The following PMM1 variants were observed in gnomAD, a reference collection of about 807,000 sequenced individuals.
PMM1 encodes brain glucose-1,6-bisphosphatase.
In PMM1, 25 loss-of-function variants were observed where a neutral mutation model predicts 34.0. The observed-to-expected ratio is 0.73, with a 90% CI of 0.54 to 1.03. The LOEUF is 1.03. Ranked by LOEUF, PMM1 falls within the 50% of genes least tolerant of loss-of-function variation. The pLI, the probability that PMM1 is intolerant of heterozygous loss-of-function variation, is 0.00. For missense variants in PMM1, 321 were observed against 350.1 expected (o/e 0.92, Z 0.66); for synonymous variants, 134 against 143.9 (o/e 0.93, Z 0.49).
rs374997245 is a variant in PMM1 at position 41,582,826 on chromosome 22, C to A, written c.474+1133G>T. Among the ~76,000 whole-genome samples the A allele has an allele frequency of 1.5e-3, 235 of 151,932 alleles. 1 individual carries two copies. Among genetic ancestry groups the A allele is most frequent in the African/African-American group, 5.3e-3 (218 of 41,440 alleles). On this transcript the variant is annotated intron_variant, in intron 5 of 7. Coordinates refer to ENST00000216259, the MANE Select transcript of PMM1 (RefSeq NM_002676.3). Reference sequence around the variant, plus strand: ...TGGAGCAGAGGGCAGGGAGAGCCACCGAACAGGTCAGAGAGAATGACAGAA... The same window carrying A: ...TGGAGCAGAGGGCAGGGAGAGCCACAGAACAGGTCAGAGAGAATGACAGAA...
At chr22:41,586,385 G>C in intron 1 of PMM1, 192 bp from the exon 2 acceptor site, 1 of 963,286 alleles carries the variant, frequency 1.0e-6, no homozygotes, top group South Asian at 2.2e-5. Flanking sequence ...CACTTTGCGA[G>C]GCCAAGGCAG....
rs2145605078 is a variant in PMM1 at position 41,576,934 on chromosome 22, C to T, written c.*384G>A. 3.0e-6 allele frequency: 1 copy of T among 328,010 alleles called. No individual in the cohort carries two copies. The highest frequency in any genetic ancestry group is 2.7e-5 in the South Asian group (1 of 37,634). 20.3% of individuals were successfully genotyped at this position (328,010 alleles called of 1,614,324 possible). On this transcript the variant is annotated 3_prime_UTR_variant, in exon 8 of 8. Coordinates refer to ENST00000216259, the MANE Select transcript of PMM1 (RefSeq NM_002676.3). ...GGAACTTTAATACTGTGACAAAGTT[C>T]TCTAAAATAGGCACCTTCCCCACCG...
In PMM1 at chr22:41,577,446, C is replaced by T. The variant is rs1459379111; in HGVS notation, c.667-6G>A. ...ATCTCAAAGTCGTTCCCACCCTGCA[C>T]ACAGAGGATGGGCAGAGGAGGGATA... On this transcript the variant is annotated splice_region_variant and splice_polypyrimidine_tract_variant and intron_variant, in intron 7 of 7. Coordinates refer to ENST00000216259, the MANE Select transcript of PMM1 (RefSeq NM_002676.3). The T allele has an allele frequency of 6.2e-7, 1 of 1,609,652 alleles. No homozygotes were observed. The highest frequency in any genetic ancestry group is 2.2e-5 in the East Asian group (1 of 44,840).
At chr22:41,582,014 T>C (rs991281500) in intron 5 of PMM1, among the ~76,000 whole-genome samples, 8 of 150,190 alleles carry the variant, frequency 5.3e-5, no homozygotes, top group Non-Finnish European at 8.9e-5. Flanking sequence ...CGTGGCAGCA[T>C]GTGCCTGTAG....
Position 41,583,023 on chromosome 22 carries a change from G to C in PMM1, c.474+936C>G, listed in dbSNP as rs1480515360. On this transcript the variant is annotated intron_variant, in intron 5 of 7. Coordinates refer to ENST00000216259, the MANE Select transcript of PMM1 (RefSeq NM_002676.3). The stretch of plus-strand genomic sequence containing the variant: ...CCAGGAATAGAAAGTGGAACTTGAA[G>C]GGCATAGAAAGGAGACGCGGAGAGC... Among the ~76,000 whole-genome samples the C allele has an allele frequency of 2.0e-5, 3 of 152,264 alleles. No homozygotes were observed. In the South Asian group the frequency reaches 6.2e-4, roughly 32 times the overall value.
chr22:41,578,559 C>G (rs937642846), intron 6 of PMM1, among the ~76,000 whole-genome samples: 2 of 152,004 alleles, frequency 1.3e-5, no homozygotes, highest in African/African-American at 4.8e-5. Flanking sequence ...AAGGGAGAGG[C>G]TCTGGTTTTT....
chr22:41,582,423 C>T (rs1232542924), intron 5 of PMM1, among the ~76,000 whole-genome samples: 1 of 152,156 alleles, frequency 6.6e-6, no homozygotes, highest in African/African-American at 2.4e-5. Flanking sequence ...TGGATCACTG[C>T]ACTGCACTCC....
intron 5 of PMM1, among the ~76,000 whole-genome samples, chr22:41,583,664 G>C (rs4822044): frequency 0.17 from 25,664 of 151,926 alleles, 3,152 homozygotes; most frequent in Admixed American, 0.36. Flanking sequence ...TGACTCGAGA[G>C]GCTGATGAAA....
rs2067359037 is a variant in PMM1, at chr22:41,589,778, T to G, written c.28A>C (p.Arg10=). ...AACAGGCAGAGGACGCGCTCCTTCC[T>G]GCGGGCTGCCTGGGCGGTGACTGCC... is the stretch of plus-strand genomic sequence containing the variant. The part of the protein sequence containing the change: MAVTAQAAR[R]KERVLCLFDV... The change falls in exon 1 of 8, where the codon AGG becomes CGG. Residue 10 remains arginine, a synonymous_variant. Coordinates refer to ENST00000216259, the MANE Select transcript of PMM1 (RefSeq NM_002676.3). 1 of 1,610,002 alleles carries G rather than the reference T, an allele frequency of 6.2e-7. No individual in the cohort carries two copies. Among genetic ancestry groups the G allele is most frequent in the Non-Finnish European group, 8.5e-7 (1 of 1,178,946 alleles).
intron 5 of PMM1, among the ~76,000 whole-genome samples, chr22:41,581,403 G>A (rs1405329899): frequency 6.6e-6 from 1 of 152,028 alleles, no homozygotes; most frequent in Admixed American, 6.5e-5. Flanking sequence ...AGGAGTCACT[G>A]AGCTGAGAGG....
At chr22:41,584,814 C>T (rs62236531) in intron 2 of PMM1, 1 of 541,972 alleles carries the variant, frequency 1.8e-6, no homozygotes, top group Non-Finnish European at 3.3e-6. Flanking sequence ...TGGGCCTCTG[C>T]ACACAGGCAT....
In PMM1 at chr22:41,586,105, A is replaced by T. The variant is rs538675046; in HGVS notation, c.176T>A (p.Ile59Asn). Residue 59 changes from isoleucine to asparagine, a missense_variant, in exon 2 of 8, where the codon ATC becomes AAC. Coordinates refer to ENST00000216259, the MANE Select transcript of PMM1 (RefSeq NM_002676.3). ...GVVGGSDYCK[I>N]AEQLGDGDEV... ...ATCCCCGTCACCCAGCTGCTCAGCG[A>T]TCTTACAGTAGTCAGAGCCGCCCAC... is the stretch of plus-strand genomic sequence containing the variant. The T allele has an allele frequency of 1.2e-6, 2 of 1,610,846 alleles. No homozygotes were observed. The highest frequency in any genetic ancestry group is 1.3e-5 in the African/African-American group (1 of 74,780).
chr22:41,579,260 AG>A (rs1418096223), intron 5 of PMM1: 1 of 222,352 alleles, frequency 4.5e-6, no homozygotes, highest in Non-Finnish European at 9.4e-6. Flanking sequence ...GCAAATACTC[AG>A]AAATGAGCAT....
intron 6 of PMM1, among the ~76,000 whole-genome samples, chr22:41,578,319 G>A (rs1450310800): frequency 6.6e-6 from 1 of 152,168 alleles, no homozygotes; most frequent in East Asian, 1.9e-4. Context: ...TGGAGAGGGA[G>A]GAAGAGCCTG....
At chr22:41,580,347 A>C (rs1032842324) in intron 5 of PMM1, 1 of 152,274 alleles carries the variant, frequency 6.6e-6, no homozygotes, top group Non-Finnish European at 1.5e-5. Flanking sequence ...AGGAAGGTTC[A>C]TGCTCCTCCA....
At chr22:41,588,775 A>AGGAG (rs144581245) in intron 1 of PMM1, 22,331 of 985,366 alleles carry the variant, frequency 0.023, 1,441 homozygotes, top group African/African-American at 0.21. Flanking sequence ...GACCTAAGAG[A>AGGAG]GGAGGCTAAG....
Position 41,577,058 on chromosome 22 carries a change from G to A in PMM1, c.*260C>T, listed in dbSNP as rs999478512. ...TGCAGAAAGAAACCTCTTCTGTACC[G>A]AAATACAAGCAGCAGCTGTGGCCTG... is the stretch of plus-strand genomic sequence containing the variant. On this transcript the variant is annotated 3_prime_UTR_variant, in exon 8 of 8. Coordinates refer to ENST00000216259, the MANE Select transcript of PMM1 (RefSeq NM_002676.3). 8 of 537,922 alleles carry A rather than the reference G, an allele frequency of 1.5e-5. No homozygotes were observed. Among genetic ancestry groups the A allele is most frequent in the Non-Finnish European group, 2.4e-5 (7 of 297,140 alleles). 33.3% of individuals were successfully genotyped at this position (537,922 alleles called of 1,614,324 possible).
In PMM1 at chr22:41,578,836, ACT is replaced by A. The variant is rs772281701; in HGVS notation, c.518_519del (p.Glu173ValfsTer17). 3.7e-6 allele frequency: 6 copies of A among 1,613,820 alleles called. No individual in the cohort carries two copies. In the Admixed American group the frequency reaches 6.7e-5, roughly 18 times the overall value. ...REKFVEALKT[E>X]FAGKGLRFSR... Reference sequence around the variant, plus strand: ...GAGAACCTCAGCCCTTTGCCAGCAAACTCTGTTTTCAGGGCTTCCACGAACTT... The same window carrying A: ...GAGAACCTCAGCCCTTTGCCAGCAAACTGTTTTCAGGGCTTCCACGAACTT... On this transcript the variant is annotated frameshift_variant, in exon 6 of 8. Coordinates refer to ENST00000216259, the MANE Select transcript of PMM1 (RefSeq NM_002676.3). LOFTEE classifies it high-confidence loss of function.
chr22:41,581,706 T>C (rs902011651), intron 5 of PMM1, among the ~76,000 whole-genome samples: 1 of 151,524 alleles, frequency 6.6e-6, no homozygotes, highest in Non-Finnish European at 1.5e-5. Flanking sequence ...TACAAAATAT[T>C]AGGCCGGGCA....
Sources: gnomAD v4.1 joint callset for allele counts (sites outside exome capture counted in the v4.1 genomes callset) on GRCh38, gnomAD v4.1.1 for gene constraint, MANE v1.5 for transcripts, NCBI Gene and HGNC (gene_info 2026-07-23, HGNC 2026-07-21) for gene names.